SBF2: variants seen among roughly 807,000 people sequenced by gnomAD.
SBF2 encodes myotubularin-related protein 13.
Under a neutral mutation model 225.2 loss-of-function variants are expected in SBF2, and 112 were observed. The observed-to-expected ratio is 0.50, with a 90% CI of 0.43 to 0.58. SBF2 has a LOEUF of 0.58. SBF2 is among the 20% of genes least tolerant of loss of function. The pLI, the probability that SBF2 is intolerant of heterozygous loss-of-function variation, is 0.00. For synonymous variants in SBF2, 763 were observed against 773.3 expected, an observed-to-expected ratio of 0.99 and a Z score of 0.22; for missense variants, 1,996 against 2,206.2, an observed-to-expected ratio of 0.90 and a Z score of 1.91.
At chr11:9,925,838 A>G (rs1020616401) in intron 16 of SBF2, among the ~76,000 whole-genome samples, 1 of 152,110 alleles carries the variant, frequency 6.6e-6, no homozygotes, top group Non-Finnish European at 1.5e-5. Context: ...TTTGGCTGCT[A>G]TTTTTAGAAT....
At chr11:10,054,897 T>G (rs899448439) in intron 2 of SBF2, among the ~76,000 whole-genome samples, 2 of 44,880 alleles carry the variant, frequency 4.5e-5, no homozygotes, top group East Asian at 7.1e-4. Context: ...GTTTGCATGT[T>G]TTTTTTTTGT....
At chr11:10,148,991 G>A (rs184691097) in intron 2 of SBF2, among the ~76,000 whole-genome samples, 2 of 152,230 alleles carry the variant, frequency 1.3e-5, no homozygotes, top group Admixed American at 6.5e-5. Flanking sequence ...GCCACTTGAG[G>A]ACAGCTTTTA....
At chr11:10,237,832 G>A (rs1305761056) in intron 1 of SBF2, among the ~76,000 whole-genome samples, 2 of 152,114 alleles carry the variant, frequency 1.3e-5, no homozygotes, top group South Asian at 4.1e-4. Context: ...CTATAGATTG[G>A]TTTGTATAAT....
At chr11:9,876,775 T>C (rs1859284021) in intron 17 of SBF2, among the ~76,000 whole-genome samples, 1 of 152,212 alleles carries the variant, frequency 6.6e-6, no homozygotes, top group Admixed American at 6.5e-5. Context: ...AGTCTTGCTC[T>C]GTTACCCAGG....
chr11:10,295,527 T>A (rs1333139404), upstream of SBF2, among the ~76,000 whole-genome samples: 1 of 151,848 alleles, frequency 6.6e-6, no homozygotes, highest in African/African-American at 2.4e-5. Flanking sequence ...ATGGTAAAAC[T>A]GAATCAGCTG....
At chr11:9,824,050 G>C (rs1854925262) in intron 28 of SBF2, among the ~76,000 whole-genome samples, 1 of 152,212 alleles carries the variant, frequency 6.6e-6, no homozygotes, top group African/African-American at 2.4e-5. Flanking sequence ...TTTGAGAAGG[G>C]TGTCAGAAAT....
chr11:10,196,847 T>TAC (rs1957375020), intron 1 of SBF2, among the ~76,000 whole-genome samples: 1 of 19,760 alleles, frequency 5.1e-5, no homozygotes, highest in Admixed American at 4.4e-4. Flanking sequence ...AATATATATA[T>TAC]ATATATATAT....
intron 2 of SBF2, among the ~76,000 whole-genome samples, chr11:10,047,152 G>C (rs1185701305): frequency 1.3e-5 from 2 of 152,146 alleles, no homozygotes. Flanking sequence ...GAGATTCTAT[G>C]TTCATGGATA....
chr11:10,111,041 T>C (rs1479931129), intron 2 of SBF2, among the ~76,000 whole-genome samples: 1 of 152,068 alleles, frequency 6.6e-6, no homozygotes, highest in East Asian at 1.9e-4. Context: ...TCAATGCAAA[T>C]TACAGGAGTA....
Position 9,914,716 on chromosome 11 carries a change from TTC to T in SBF2, c.1861-18707_1861-18706del, listed in dbSNP as rs1355927912. Among the ~76,000 whole-genome samples the T allele has an allele frequency of 2.0e-5, 3 of 152,078 alleles. No individual in the cohort carries two copies. The East Asian group carries it at 5.8e-4, about 29-fold the overall frequency. On this transcript the variant is annotated intron_variant, in intron 16 of 39. Transcript: ENST00000256190. Reference sequence around the variant, plus strand: ...GCTTCACAAAAATCAAAATTTTCTGTTCTGTGAAAGATACCATCAAGAGAATG... The same window carrying T: ...GCTTCACAAAAATCAAAATTTTCTGTTGTGAAAGATACCATCAAGAGAATG...
intron 2 of SBF2, among the ~76,000 whole-genome samples, chr11:10,147,537 G>A (rs1399226774): frequency 1.3e-5 from 2 of 152,002 alleles, no homozygotes; most frequent in Non-Finnish European, 2.9e-5. Context: ...GGCAAAAAGA[G>A]GGCAACTACA....
At chr11:10,247,945 C>T (rs1371019233) in intron 1 of SBF2, among the ~76,000 whole-genome samples, 1 of 152,172 alleles carries the variant, frequency 6.6e-6, no homozygotes, top group Non-Finnish European at 1.5e-5. Flanking sequence ...ACCACCCCTT[C>T]CCAGTTTTAA....
chr11:9,871,376 C>G (rs901922197), intron 17 of SBF2, among the ~76,000 whole-genome samples: 1 of 151,282 alleles, frequency 6.6e-6, no homozygotes, highest in Admixed American at 6.6e-5. Context: ...ATGTGGCCAA[C>G]AAACATATGA....
chr11:9,799,772 C>A (rs1190740462), intron 32 of SBF2, among the ~76,000 whole-genome samples: 1 of 152,048 alleles, frequency 6.6e-6, no homozygotes, highest in Non-Finnish European at 1.5e-5. Context: ...AGTCCTGCAC[C>A]CCAGTGACTC....
intron 2 of SBF2, among the ~76,000 whole-genome samples, chr11:10,058,866 A>T (rs1404266187): frequency 6.6e-6 from 1 of 152,218 alleles, no homozygotes; most frequent in Admixed American, 6.5e-5. Context: ...AACATTAATA[A>T]AGAAAAAAAC....
At chr11:10,018,609 C>T (rs995513763) in intron 6 of SBF2, among the ~76,000 whole-genome samples, 27 of 152,058 alleles carry the variant, frequency 1.8e-4, no homozygotes, top group Non-Finnish European at 5.9e-5. Context: ...TTAGCATCTA[C>T]GTGCCAAAAA....
intron 17 of SBF2, among the ~76,000 whole-genome samples, chr11:9,870,229 T>C (rs574546925): frequency 2.6e-5 from 4 of 152,236 alleles, no homozygotes; most frequent in African/African-American, 9.6e-5. Flanking sequence ...GGAAAAACAT[T>C]CCATGCTCAT....
chr11:10,137,989 G>C (rs2135125171), intron 2 of SBF2, among the ~76,000 whole-genome samples: 1 of 150,694 alleles, frequency 6.6e-6, no homozygotes, highest in South Asian at 2.1e-4. Context: ...GACAGAGTAA[G>C]ACTCCATCTC....
chr11:9,801,851 C>T (rs1346485267), intron 32 of SBF2, among the ~76,000 whole-genome samples: 2 of 152,228 alleles, frequency 1.3e-5, no homozygotes, highest in Admixed American at 6.5e-5. Context: ...GAATAACCAA[C>T]CTGTGTGGGG....
Sources: gnomAD v4.1 joint callset for allele counts (sites outside exome capture counted in the v4.1 genomes callset) on GRCh38, gnomAD v4.1.1 for gene constraint, MANE v1.5 for transcripts, NCBI Gene and HGNC (gene_info 2026-07-23, HGNC 2026-07-21) for gene names.